Variants in USP25 observed in about 807,000 individuals in gnomAD.
USP25 encodes ubiquitin specific peptidase 25, also known as ubiquitin carboxyl-terminal hydrolase 25.
A neutral mutation model predicts 158.5 loss-of-function variants in USP25; 85 were observed. The ratio of observed to expected loss-of-function variants is 0.54; its 90% CI spans 0.45 to 0.64. The LOEUF (loss-of-function observed/expected upper bound fraction) is 0.64. USP25 is among the 30% of genes least tolerant of loss of function. The pLI, the probability that USP25 is intolerant of heterozygous loss-of-function variation, is 0.00. For synonymous variants in USP25, 464 were observed against 460.4 expected (o/e 1.01, Z -0.10); for missense variants, 1,242 against 1,327.3 (o/e 0.94, Z 1.00).
Position 15,878,291 on chromosome 21 carries a change from T to G in USP25, c.3206-12T>G. ...TCTATCTTTAGTTAGATTTAATTGT[T>G]TGTATTTGCAGCACACCTCCAAGAA... On this transcript the variant is annotated splice_polypyrimidine_tract_variant and intron_variant, in intron 25 of 25. Transcript: ENST00000400183. The G allele has an allele frequency of 6.2e-7, 1 of 1,605,266 alleles. No individual in the cohort carries two copies.
chr21:15,849,489 G>A (rs752480194), intron 19 of USP25, among the ~76,000 whole-genome samples: 11 of 152,138 alleles, frequency 7.2e-5, no homozygotes, highest in Non-Finnish European at 1.0e-4. Flanking sequence ...TTCACTCAGA[G>A]GATAGCACAT....
intron 20 of USP25, among the ~76,000 whole-genome samples, chr21:15,856,395 T>G (rs990952209): frequency 3.9e-5 from 6 of 152,226 alleles, no homozygotes; most frequent in African/African-American, 1.4e-4. Flanking sequence ...CCTAGAGAGA[T>G]AGATGAGACT....
intron 23 of USP25, among the ~76,000 whole-genome samples, chr21:15,872,870 C>T (rs1296275450): frequency 2.6e-5 from 4 of 151,736 alleles, no homozygotes; most frequent in Non-Finnish European, 4.4e-5. Context: ...TTGGCAGGAG[C>T]GTCTAGAGTT....
At chr21:15,750,430 A>G (rs1429199490) in intron 1 of USP25, among the ~76,000 whole-genome samples, 1 of 150,836 alleles carries the variant, frequency 6.6e-6, no homozygotes, top group Admixed American at 6.6e-5. Flanking sequence ...GAGTTTCACC[A>G]TATTGGTCAG....
At chr21:15,743,543 TGTG>T (rs2032258163) in intron 1 of USP25, among the ~76,000 whole-genome samples, 1 of 152,106 alleles carries the variant, frequency 6.6e-6, no homozygotes, top group Admixed American at 6.6e-5. Context: ...AATGAGGAGA[TGTG>T]GGCTGGAGGT....
At chr21:15,749,171 A>AT in intron 1 of USP25, among the ~76,000 whole-genome samples, 1 of 152,188 alleles carries the variant, frequency 6.6e-6, no homozygotes, top group Non-Finnish European at 1.5e-5. Context: ...CGCCAAATAA[A>AT]TATTCATCAG....
rs2038805141 is a variant in USP25 at position 15,849,880 on chromosome 21, G to A, written c.2547+8G>A. ...GAAGCAGGGTTCTTTAAGGTACAAT[G>A]AACATTTTCATTTTCGTGTCTTTTC... On this transcript the variant is annotated splice_region_variant and intron_variant, in intron 20 of 25. Coordinates refer to ENST00000400183, the MANE Select transcript of USP25 (RefSeq NM_001283041.3). 1.4e-6 allele frequency: 2 copies of A among 1,470,610 alleles called. No homozygotes were observed. The highest frequency in any genetic ancestry group is 1.4e-5 in the South Asian group (1 of 70,698). The allele number at this position is 1,470,610 out of a possible 1,614,324, so 91.1% of individuals were successfully genotyped here. A position where few individuals can be genotyped will look rare whatever the true frequency, so the allele number is the denominator to read the frequency against.
rs767343252 is a variant in USP25 at position 15,864,318 on chromosome 21, C to A, written c.2598C>A (p.Thr866=). The A allele has an allele frequency of 6.2e-7, 1 of 1,611,792 alleles. No homozygotes were observed. The highest frequency in any genetic ancestry group is 1.1e-5 in the South Asian group (1 of 90,412). ...TGGTTAAGTTGGCCCAAGAAGACAC[C>A]CCACCAGAAACCGATTATCGTTTAC... ...ARLVKLAQED[T]PPETDYRLHH... is the part of the protein sequence containing the mutation. The change falls in exon 21 of 26, where the codon ACC becomes ACA. Residue 866 remains threonine (T), a synonymous_variant. Coordinates refer to ENST00000400183, the MANE Select transcript of USP25 (RefSeq NM_001283041.3).
intron 1 of USP25, among the ~76,000 whole-genome samples, chr21:15,737,287 G>T (rs1480361592): frequency 1.3e-5 from 2 of 151,966 alleles, no homozygotes. Context: ...TTTACAAAGA[G>T]TTTGTTTTTA....
intron 1 of USP25, among the ~76,000 whole-genome samples, chr21:15,747,967 G>A (rs2032696554): frequency 6.6e-6 from 1 of 152,038 alleles, no homozygotes; most frequent in African/African-American, 2.4e-5. Context: ...TTTTAATTTA[G>A]TTTCATGTAT....
intron 3 of USP25, among the ~76,000 whole-genome samples, chr21:15,773,799 G>A (rs1276889994): frequency 1.3e-5 from 2 of 152,154 alleles, no homozygotes; most frequent in Admixed American, 6.5e-5. Context: ...ATATTAAAAT[G>A]TCAGTCTATT....
intron 1 of USP25, among the ~76,000 whole-genome samples, chr21:15,750,218 T>G (rs1168123587): frequency 3.6e-3 from 356 of 98,664 alleles, no homozygotes; most frequent in African/African-American, 0.021. Context: ...GTGTATGTTT[T>G]TTTTTTTTTT....
At chr21:15,750,115 C>T (rs2032870610) in intron 1 of USP25, among the ~76,000 whole-genome samples, 2 of 150,894 alleles carry the variant, frequency 1.3e-5, no homozygotes, top group Non-Finnish European at 2.9e-5. Flanking sequence ...AGAGGGGCTG[C>T]AGATTGAGCC....
chr21:15,842,127 T>G (rs1242316034), intron 17 of USP25, among the ~76,000 whole-genome samples: 1 of 152,192 alleles, frequency 6.6e-6, no homozygotes, highest in African/African-American at 2.4e-5. Flanking sequence ...TTTTGTTATT[T>G]CTCATGGCAG....
intron 20 of USP25, among the ~76,000 whole-genome samples, chr21:15,860,761 AT>A (rs1489519310): frequency 6.6e-6 from 1 of 152,048 alleles, no homozygotes; most frequent in Non-Finnish European, 1.5e-5. Flanking sequence ...AACCAACTTT[AT>A]TTTAGAGATA....
At chr21:15,765,857 T>G (rs1447075831) in intron 2 of USP25, 140 bp from the exon 3 acceptor site, 1 of 711,898 alleles carries the variant, frequency 1.4e-6, no homozygotes, top group Non-Finnish European at 2.2e-6. Flanking sequence ...GCATTTACAC[T>G]ATAAAATTAG....
chr21:15,858,518 T>C (rs983652506), intron 20 of USP25, among the ~76,000 whole-genome samples: 3 of 151,972 alleles, frequency 2.0e-5, no homozygotes, highest in Non-Finnish European at 4.4e-5. Flanking sequence ...ATTTTACATG[T>C]TTATGTTGTA....
At chr21:15,842,363 A>G (rs367991442) in intron 17 of USP25, 35 bp from the exon 18 acceptor site, 133 of 1,605,624 alleles carry the variant, frequency 8.3e-5, no homozygotes, top group Non-Finnish European at 1.1e-4. Flanking sequence ...TCTGTGGTTT[A>G]TATTAGATAT....
intron 5 of USP25, 140 bp from the exon 6 acceptor site, chr21:15,799,617 T>A: frequency 2.1e-6 from 1 of 485,432 alleles, no homozygotes; most frequent in Non-Finnish European, 3.7e-6. Context: ...CTCAGAAGTA[T>A]GTCCTCCTTG....
Sources: gnomAD v4.1 joint callset for allele counts (sites outside exome capture counted in the v4.1 genomes callset) on GRCh38, gnomAD v4.1.1 for gene constraint, MANE v1.5 for transcripts, NCBI Gene and HGNC (gene_info 2026-07-23, HGNC 2026-07-21) for gene names.